DAPK2: variants seen among roughly 807,000 people sequenced by gnomAD.
DAPK2 encodes death associated protein kinase 2.
DAPK2 carries 35 observed loss-of-function variants against 44.1 expected under a neutral mutation model. The observed-to-expected ratio is 0.79, with a 90% CI of 0.61 to 1.05. The LOEUF (loss-of-function observed/expected upper bound fraction) is 1.05. Among genes scored for constraint, DAPK2 ranks in the 50% least tolerant of loss-of-function variants. DAPK2 has a pLI of 0.00. For synonymous variants in DAPK2, 174 were observed against 182.6 expected, an observed-to-expected ratio of 0.95 and a Z score of 0.38; for missense variants, 453 against 483.2, an observed-to-expected ratio of 0.94 and a Z score of 0.59.
chr15:64,036,299 G>GTATATATATA (rs1367491000), intron 1 of DAPK2, among the ~76,000 whole-genome samples: 2 of 47,580 alleles, frequency 4.2e-5, no homozygotes, highest in Admixed American at 3.6e-4. Context: ...GTGTGTGTGT[G>GTATATATATA]TGTGTGTGTG....
chr15:64,027,845 C>T (rs972016693), intron 1 of DAPK2, among the ~76,000 whole-genome samples: 1 of 152,186 alleles, frequency 6.6e-6, no homozygotes. Context: ...GCAAATCAGT[C>T]ATAACCTTTG....
At position 63,946,727 on chromosome 15, in the gene DAPK2, C is replaced by T. The variant is rs529290318; in HGVS notation, c.454-7366G>A. On this transcript the variant is annotated intron_variant, in intron 3 of 10. Coordinates refer to ENST00000261891, the Ensembl canonical transcript of DAPK2. ...TGAGCAAGGACCTCCAGCCCAGTGC[C>T]CTCTCCAGATGCCCGTGTGGCCTGC... Among the ~76,000 whole-genome samples, 84 of 152,308 alleles carry T rather than the reference C, an allele frequency of 5.5e-4. 1 individual carries two copies. In the South Asian group the frequency reaches 0.017, roughly 30 times the overall value.
intron 1 of DAPK2, among the ~76,000 whole-genome samples, chr15:64,029,270 GC>G (rs1370647428): frequency 6.6e-6 from 1 of 152,142 alleles, no homozygotes; most frequent in Non-Finnish European, 1.5e-5. Flanking sequence ...TGTCTGAGTG[GC>G]TTTGTGCTTT....
intron 3 of DAPK2, among the ~76,000 whole-genome samples, chr15:63,963,524 G>A (rs1165115957): frequency 6.6e-6 from 1 of 152,196 alleles, no homozygotes; most frequent in African/African-American, 2.4e-5. Flanking sequence ...TTTGATTGGA[G>A]AATTTAGTCC....
chr15:63,923,383 G>T lies in DAPK2; in HGVS notation c.858+1433C>A. 1 of 1,519,120 alleles carries T rather than the reference G, an allele frequency of 6.6e-7. No homozygotes were observed. Among genetic ancestry groups the T allele is most frequent in the Non-Finnish European group, 8.8e-7 (1 of 1,136,346 alleles). 94.1% of individuals were successfully genotyped at this position (1,519,120 alleles called of 1,614,324 possible). On this transcript the variant is annotated intron_variant, in intron 8 of 10. Coordinates refer to ENST00000261891, the Ensembl canonical transcript of DAPK2. The surrounding 1 kb of genome is among the most constrained non-coding windows in gnomAD (Gnocchi z 4.2). ...GACAGAAGAATCAGAGTGTTAATTTGCCGCCCACCCCAGAGGGCAGTCCAA... is the reference window on the plus strand; with the variant it reads ...GACAGAAGAATCAGAGTGTTAATTTTCCGCCCACCCCAGAGGGCAGTCCAA...
At chr15:63,995,725 A>C (rs576312556) in intron 1 of DAPK2, among the ~76,000 whole-genome samples, 1 of 152,334 alleles carries the variant, frequency 6.6e-6, no homozygotes, top group South Asian at 2.1e-4. Context: ...GCTCCGGGCA[A>C]TGTCCCTCCT....
In DAPK2 at chr15:63,923,656, A is replaced by G. The variant is rs1370684529; in HGVS notation, c.858+1160T>C. The stretch of plus-strand genomic sequence containing the variant: ...GCCAGGACTCCGCAGGCATCTGCGC[A>G]GGGCTGGAGCACGCAAGGCCAGGGC... On this transcript the variant is annotated intron_variant, in intron 8 of 10. Coordinates refer to ENST00000261891, the Ensembl canonical transcript of DAPK2. The surrounding 1 kb of genome is among the most constrained non-coding windows in gnomAD (Gnocchi z 4.2). Among the ~76,000 whole-genome samples, 2 of 152,230 alleles carry G rather than the reference A, an allele frequency of 1.3e-5. No homozygotes were observed. Among genetic ancestry groups the G allele is most frequent in the Non-Finnish European group, 2.9e-5 (2 of 68,032 alleles).
At chr15:63,927,836 C>T (rs561176843) in intron 6 of DAPK2, among the ~76,000 whole-genome samples, 30 of 151,858 alleles carry the variant, frequency 2.0e-4, no homozygotes, top group African/African-American at 6.8e-4. Context: ...TGGGCTCAAG[C>T]GATCCTCCAG....
At position 63,912,675 on chromosome 15, in the gene DAPK2, G is replaced by A. The variant is rs942067350; in HGVS notation, c.859-478C>T. Reference sequence around the variant, plus strand: ...TCAAGAGGCAACAGGATGTGCAGTTGCTTTTCACAGCCTGGCAGTCAGAGC... The same window carrying A: ...TCAAGAGGCAACAGGATGTGCAGTTACTTTTCACAGCCTGGCAGTCAGAGC... On this transcript the variant is annotated intron_variant, in intron 8 of 10. Coordinates refer to ENST00000261891, the Ensembl canonical transcript of DAPK2. The surrounding 1 kb of genome is among the most constrained non-coding windows in gnomAD (Gnocchi z 4.4). Among the ~76,000 whole-genome samples, 3 of 152,334 alleles carry A rather than the reference G, an allele frequency of 2.0e-5. No individual in the cohort carries two copies. The highest frequency in any genetic ancestry group is 4.8e-5 in the African/African-American group (2 of 41,578).
Position 63,923,112 on chromosome 15 carries a change from C to A in DAPK2, c.858+1704G>T. 2.0e-6 allele frequency: 3 copies of A among 1,535,900 alleles called. No homozygotes were observed. Among genetic ancestry groups the A allele is most frequent in the Non-Finnish European group, 2.6e-6 (3 of 1,146,738 alleles). ...GCTTCCTTCTCATTGAAGATGGAGA[C>A]CAGGGCCTCCACATCGTCCTGGATG... On this transcript the variant is annotated intron_variant, in intron 8 of 10. Transcript: ENST00000261891. This position sits in a 1 kb window ranked among gnomAD's most constrained non-coding sequence, Gnocchi z 4.2.
Position 63,955,816 on chromosome 15 carries a change from C to T in DAPK2, c.453+15607G>A, listed in dbSNP as rs1000527362. Among the ~76,000 whole-genome samples, 27 of 152,190 alleles carry T rather than the reference C, an allele frequency of 1.8e-4. 1 individual carries two copies. Among genetic ancestry groups the T allele is most frequent in the Admixed American group, 1.5e-3 (23 of 15,282 alleles). On this transcript the variant is annotated intron_variant, in intron 3 of 10. Coordinates refer to ENST00000261891, the Ensembl canonical transcript of DAPK2. Reference sequence around the variant, plus strand: ...CTCCTGAGCTCAAGTGCTCTCCCCACCTCAGCCTCCCAAAGTGCTGGGATT... The same window carrying T: ...CTCCTGAGCTCAAGTGCTCTCCCCATCTCAGCCTCCCAAAGTGCTGGGATT...
At chr15:63,937,078 C>T (rs982867651) in intron 4 of DAPK2, among the ~76,000 whole-genome samples, 1 of 151,758 alleles carries the variant, frequency 6.6e-6, no homozygotes, top group Non-Finnish European at 1.5e-5. Context: ...TTTTTTAACC[C>T]TGGGTCTGAG....
chr15:64,038,632 C>T (rs2080274504), intron 1 of DAPK2, among the ~76,000 whole-genome samples: 1 of 152,022 alleles, frequency 6.6e-6, no homozygotes, highest in South Asian at 2.1e-4. Flanking sequence ...GCCTTTCATT[C>T]TCTTTGGAGT....
chr15:63,987,874 T>G (rs550524112), intron 1 of DAPK2, among the ~76,000 whole-genome samples: 1 of 152,244 alleles, frequency 6.6e-6, no homozygotes, highest in South Asian at 2.1e-4. Context: ...TTTCCTTCTT[T>G]GTCACATGGG....
At chr15:63,957,978 G>A (rs2140594908) in intron 3 of DAPK2, among the ~76,000 whole-genome samples, 1 of 152,302 alleles carries the variant, frequency 6.6e-6, no homozygotes, top group African/African-American at 2.4e-5. Flanking sequence ...CACCAACGGT[G>A]TAAAAGCATT....
chr15:64,043,853 T>G (rs886474613), upstream of DAPK2, among the ~76,000 whole-genome samples: 2 of 152,196 alleles, frequency 1.3e-5, no homozygotes, highest in African/African-American at 2.4e-5. Flanking sequence ...CATTCCTACC[T>G]CTGTCCCCTT....
intron 1 of DAPK2, among the ~76,000 whole-genome samples, chr15:63,999,602 A>G (rs1474530135): frequency 6.6e-6 from 1 of 152,142 alleles, no homozygotes; most frequent in Non-Finnish European, 1.5e-5. Flanking sequence ...ACTTTTTAGC[A>G]GAATAATGTA....
At chr15:63,929,792 C>T (rs1250982221) in intron 5 of DAPK2, 6 of 681,720 alleles carry the variant, frequency 8.8e-6, no homozygotes, top group South Asian at 1.5e-5. Context: ...AGTCCGAAGA[C>T]CCAAGTTCAA....
At chr15:63,997,972 A>C (rs1281011397) in intron 1 of DAPK2, among the ~76,000 whole-genome samples, 1 of 152,262 alleles carries the variant, frequency 6.6e-6, no homozygotes, top group African/African-American at 2.4e-5. Flanking sequence ...CATCCAGCAC[A>C]TGGTAAACAC....
Sources: allele counts gnomAD v4.1 joint callset (sites outside exome capture counted in the v4.1 genomes callset), GRCh38; gene constraint gnomAD v4.1.1; non-coding constraint Gnocchi (gnomAD v3.1); transcripts MANE v1.5; gene names NCBI Gene and HGNC (gene_info 2026-07-23, HGNC 2026-07-21).